The following COX7B2 variants were observed in gnomAD, a reference collection of about 807,000 sequenced individuals.
COX7B2 encodes cytochrome c oxidase subunit 7B2, mitochondrial.
For missense variants in COX7B2, 109 were observed against 95.9 expected (o/e 1.14, Z -0.57); for synonymous variants, 37 against 32.1 (o/e 1.15, Z -0.51).
intron 2 of COX7B2, among the ~76,000 whole-genome samples, chr4:46,753,193 G>C (rs1715510841): frequency 1.3e-5 from 2 of 152,138 alleles, no homozygotes; most frequent in Non-Finnish European, 2.9e-5. Context: ...AGATTTTCTA[G>C]TTTATTTGTG....
intron 2 of COX7B2, among the ~76,000 whole-genome samples, chr4:46,770,051 A>C (rs1405190798): frequency 6.6e-6 from 1 of 152,156 alleles, no homozygotes; most frequent in African/African-American, 2.4e-5. Context: ...AGAAGGAAAA[A>C]ATTAAAATTT....
chr4:46,810,007 A>T (rs1719203081), intron 2 of COX7B2, among the ~76,000 whole-genome samples: 1 of 151,972 alleles, frequency 6.6e-6, no homozygotes, highest in South Asian at 2.1e-4. Flanking sequence ...TCTTTGTCCC[A>T]TGTTACTTTT....
chr4:46,807,811 T>C (rs976037386), intron 2 of COX7B2, among the ~76,000 whole-genome samples: 4 of 151,890 alleles, frequency 2.6e-5, no homozygotes, highest in African/African-American at 9.7e-5. Flanking sequence ...CTTCATGTCC[T>C]TGTCTAAAAT....
At chr4:46,857,372 A>G (rs1248519454) in intron 1 of COX7B2, among the ~76,000 whole-genome samples, 8 of 152,242 alleles carry the variant, frequency 5.3e-5, no homozygotes, top group Non-Finnish European at 1.0e-4. Flanking sequence ...TGTTTTACAA[A>G]TATCATAAAA....
At chr4:46,797,331 G>C (rs1439669319) in intron 2 of COX7B2, among the ~76,000 whole-genome samples, 3 of 152,068 alleles carry the variant, frequency 2.0e-5, no homozygotes, top group Non-Finnish European at 4.4e-5. Context: ...AAACATCACG[G>C]TGTTCTACCA....
At chr4:46,736,197 G>T (rs1053719240) in intron 2 of COX7B2, among the ~76,000 whole-genome samples, 1 of 152,234 alleles carries the variant, frequency 6.6e-6, no homozygotes, top group African/African-American at 2.4e-5. Context: ...CCAAAGGTTT[G>T]GTCTCTGTCC....
rs879724946 is a variant in COX7B2, at chr4:46,811,086, A to G, written c.-50+33874T>C. On this transcript the variant is annotated intron_variant, in intron 2 of 2. Coordinates refer to ENST00000355591, the MANE Select transcript of COX7B2 (RefSeq NM_130902.3). Reference sequence around the variant, plus strand: ...TTACTGCTTTTAAAATTCTCTCTTTATCTTTGACTTTCAACAGTTTGGTTT... The same window carrying G: ...TTACTGCTTTTAAAATTCTCTCTTTGTCTTTGACTTTCAACAGTTTGGTTT... Among the ~76,000 whole-genome samples, 39 of 151,968 alleles carry G rather than the reference A, an allele frequency of 2.6e-4. 1 individual carries two copies. Among genetic ancestry groups the G allele is most frequent in the Admixed American group, 2.3e-3 (35 of 15,278 alleles).
chr4:46,796,983 C>A (rs1269949565), intron 2 of COX7B2, among the ~76,000 whole-genome samples: 5 of 80,520 alleles, frequency 6.2e-5, no homozygotes, highest in Middle Eastern at 5.0e-3. Context: ...GGGAGATATA[C>A]CTAATGCTAG....
chr4:46,803,988 G>A (rs530146731), intron 2 of COX7B2, among the ~76,000 whole-genome samples: 28 of 152,112 alleles, frequency 1.8e-4, no homozygotes, highest in Non-Finnish European at 3.5e-4. Context: ...CAGTGTTACA[G>A]TTCTCAAAGG....
intron 2 of COX7B2, among the ~76,000 whole-genome samples, chr4:46,834,968 A>G (rs935467916): frequency 1.3e-5 from 2 of 152,182 alleles, no homozygotes; most frequent in Non-Finnish European, 2.9e-5. Context: ...CAAAAGAAGC[A>G]AATTATATAA....
At chr4:46,852,110 T>C (rs1044097395) in intron 1 of COX7B2, among the ~76,000 whole-genome samples, 1 of 152,098 alleles carries the variant, frequency 6.6e-6, no homozygotes, top group African/African-American at 2.4e-5. Flanking sequence ...TCTGCATTTA[T>C]TAATTAAAAT....
At chr4:46,802,961 G>T (rs1231100616) in intron 2 of COX7B2, among the ~76,000 whole-genome samples, 1 of 152,048 alleles carries the variant, frequency 6.6e-6, no homozygotes, top group African/African-American at 2.4e-5. Flanking sequence ...GAAGTCCTAC[G>T]TTCCACTCCC....
chr4:46,900,907 A>G (rs1720038310), intron 1 of COX7B2, among the ~76,000 whole-genome samples: 1 of 152,224 alleles, frequency 6.6e-6, no homozygotes, highest in Non-Finnish European at 1.5e-5. Flanking sequence ...GTATTTTGTT[A>G]TAACAGCCCC....
chr4:46,775,525 A>C (rs1415762767), intron 2 of COX7B2, among the ~76,000 whole-genome samples: 1 of 152,122 alleles, frequency 6.6e-6, no homozygotes, highest in Non-Finnish European at 1.5e-5. Flanking sequence ...TAAGCTGTTT[A>C]AATGCTTTTG....
chr4:46,908,103 G>A (rs998295808), intron 1 of COX7B2, among the ~76,000 whole-genome samples: 3 of 151,542 alleles, frequency 2.0e-5, no homozygotes, highest in African/African-American at 7.3e-5. Flanking sequence ...CTCCCGCCTC[G>A]GCCTCCCAAA....
In COX7B2 at chr4:46,901,137, A is replaced by G. The variant is rs147108449; in HGVS notation, c.-105+8023T>C. ...TTCAGAAAAAGCATATGTAACATTG[A>G]GGTATGAAGGGTGGCATTCAGATGA... On this transcript the variant is annotated intron_variant, in intron 1 of 2. Transcript: ENST00000355591. 5.6e-3 allele frequency among the ~76,000 whole-genome samples: 849 copies of G among 152,286 alleles called. 5 individuals are homozygous for G. The highest frequency in any genetic ancestry group is 8.8e-3 in the Non-Finnish European group (600 of 68,026).
chr4:46,854,933 T>C (rs1716916605), intron 1 of COX7B2, among the ~76,000 whole-genome samples: 1 of 152,028 alleles, frequency 6.6e-6, no homozygotes, highest in Non-Finnish European at 1.5e-5. Context: ...TATCAAGTTA[T>C]CAGATTATAT....
At chr4:46,737,317 G>A (rs114696781) in intron 2 of COX7B2, among the ~76,000 whole-genome samples, 1,712 of 152,186 alleles carry the variant, frequency 0.011, 20 homozygotes, top group Middle Eastern at 0.037. Context: ...AATTTTAAGA[G>A]TTCTTTGTAT....
At chr4:46,857,331 G>A (rs1717064005) in intron 1 of COX7B2, among the ~76,000 whole-genome samples, 2 of 152,170 alleles carry the variant, frequency 1.3e-5, no homozygotes, top group African/African-American at 2.4e-5. Flanking sequence ...CTGTGAGATG[G>A]AAAACATTTT....
Sources: gnomAD v4.1 joint callset for allele counts (sites outside exome capture counted in the v4.1 genomes callset) on GRCh38, gnomAD v4.1.1 for gene constraint, MANE v1.5 for transcripts, NCBI Gene and HGNC (gene_info 2026-07-23, HGNC 2026-07-21) for gene names.